GSR: variants seen among roughly 807,000 people sequenced by gnomAD.
The protein encoded by GSR is glutathione-disulfide reductase, also known as glutathione reductase, mitochondrial.
In GSR, 48 loss-of-function variants were observed where a neutral mutation model predicts 56.5. That is an observed-to-expected ratio of 0.85 (90% CI 0.67 to 1.08). The LOEUF is 1.08. Among genes scored for constraint, GSR ranks in the 50% least tolerant of loss-of-function variants. The pLI, the probability that GSR is intolerant of heterozygous loss-of-function variation, is 0.00. For synonymous variants in GSR, 264 were observed against 270.8 expected (o/e 0.97, Z 0.25); for missense variants, 694 against 703.3 (o/e 0.99, Z 0.15).
Position 30,702,843 on chromosome 8 carries a change from C to T in GSR, c.640+250G>A, listed in dbSNP as rs540636668. On this transcript the variant is annotated intron_variant, in intron 5 of 12. Transcript: ENST00000221130. ...GTCCCAGCTACTTGGGAGGCTGAGG[C>T]AGGAGAATCACTTGAACCCAGGAGG... Among the ~76,000 whole-genome samples, 3 of 152,248 alleles carry T rather than the reference C, an allele frequency of 2.0e-5. No homozygotes were observed. The South Asian group carries it at 6.2e-4, about 32-fold the overall frequency.
Position 30,700,159 on chromosome 8 carries a change from A to T in GSR, c.641-24T>A, listed in dbSNP as rs375794180. 19 of 1,543,114 alleles carry T rather than the reference A, an allele frequency of 1.2e-5. No homozygotes were observed. In the East Asian group the frequency reaches 3.8e-4, roughly 31 times the overall value. ...ACCTATGTAGAAAAAGGCAACATAG[A>T]TCACACAAGACTGCTCTTTCTCTTG... is the stretch of plus-strand genomic sequence containing the variant. On this transcript the variant is annotated intron_variant, in intron 5 of 12. Coordinates refer to ENST00000221130, the MANE Select transcript of GSR (RefSeq NM_000637.5).
At chr8:30,701,177 T>C (rs916316626) in intron 5 of GSR, among the ~76,000 whole-genome samples, 3 of 152,126 alleles carry the variant, frequency 2.0e-5, no homozygotes, top group African/African-American at 7.2e-5. Flanking sequence ...AGTTATTAAA[T>C]ATATTAGGCC....
Position 30,679,104 on chromosome 8 carries a change from G to A in GSR, c.*416C>T, listed in dbSNP as rs1013358894. 1.8e-5 allele frequency: 3 copies of A among 171,374 alleles called. No individual in the cohort carries two copies. Among genetic ancestry groups the A allele is most frequent in the African/African-American group, 2.5e-5 (1 of 39,288 alleles). 10.6% of individuals were successfully genotyped at this position (171,374 alleles called of 1,614,324 possible). On this transcript the variant is annotated 3_prime_UTR_variant, in exon 13 of 13. Transcript: ENST00000221130. ...GCAGAGGTTGTGGTGAGCTGAAATA[G>A]CACCACCGCACTCCAGCCTGGGCAA...
chr8:30,699,987 C>T (rs1803672815), intron 6 of GSR, 94 bp downstream of exon 6: 2 of 868,576 alleles, frequency 2.3e-6, no homozygotes. Flanking sequence ...TCAGGAAAGG[C>T]CTACATTAAA....
At chr8:30,699,681 T>G (rs1427922499) in intron 6 of GSR, among the ~76,000 whole-genome samples, 1 of 151,640 alleles carries the variant, frequency 6.6e-6, no homozygotes, top group African/African-American at 2.4e-5. Flanking sequence ...TGACCTCAGG[T>G]GATCTGCCCG....
At chr8:30,719,545 C>T (rs1030665786) in intron 1 of GSR, among the ~76,000 whole-genome samples, 2 of 152,168 alleles carry the variant, frequency 1.3e-5, no homozygotes, top group African/African-American at 4.8e-5. Context: ...GCCACCACAC[C>T]CAGCTAAGAA....
intron 11 of GSR, among the ~76,000 whole-genome samples, chr8:30,681,586 T>C (rs1052232790): frequency 2.0e-5 from 3 of 151,760 alleles, no homozygotes; most frequent in East Asian, 1.9e-4. Flanking sequence ...TTAGGAAAGA[T>C]AGACATGTGT....
intron 5 of GSR, among the ~76,000 whole-genome samples, chr8:30,701,512 G>A (rs534240003): frequency 4.0e-4 from 58 of 144,360 alleles, no homozygotes; most frequent in African/African-American, 1.1e-3. Flanking sequence ...CATTTTGGCC[G>A]GGTGCAGTGG....
chr8:30,708,212 C>T, intron 3 of GSR, 71 bp from the exon 4 acceptor site: 1 of 1,039,884 alleles, frequency 9.6e-7, no homozygotes, highest in Non-Finnish European at 1.5e-6. Flanking sequence ...AGGCATCTGT[C>T]CCTGAACACC....
chr8:30,694,136 A>G (rs543102511), intron 7 of GSR, among the ~76,000 whole-genome samples: 1 of 152,190 alleles, frequency 6.6e-6, no homozygotes, highest in Non-Finnish European at 1.5e-5. Context: ...GGAGCTAATT[A>G]TATAACCAGT....
At chr8:30,695,224 G>GT (rs1411294192) in intron 7 of GSR, among the ~76,000 whole-genome samples, 1 of 152,000 alleles carries the variant, frequency 6.6e-6, no homozygotes, top group African/African-American at 2.4e-5. Context: ...TTTTTTTGCA[G>GT]TTTTTTTGTT....
chr8:30,713,366 G>GT (rs375342804), intron 1 of GSR, among the ~76,000 whole-genome samples: 2,089 of 146,946 alleles, frequency 0.014, 37 homozygotes, highest in Non-Finnish European at 0.021. Context: ...TTGTTTGGTT[G>GT]TTTTTTTTTT....
Position 30,708,149 on chromosome 8 carries a change from G to A in GSR, c.423-8C>T. On this transcript the variant is annotated splice_polypyrimidine_tract_variant and splice_region_variant and intron_variant, in intron 3 of 12. Transcript: ENST00000221130. ...CGCTTTTCCTTAATAACACTGCAAT[G>A]AAACCCAAGTCAGTATTCAGAAACA... 6.2e-7 allele frequency: 1 copy of A among 1,602,040 alleles called. No individual in the cohort carries two copies. Among genetic ancestry groups the A allele is most frequent in the Non-Finnish European group, 8.6e-7 (1 of 1,169,138 alleles).
intron 1 of GSR, among the ~76,000 whole-genome samples, chr8:30,713,647 C>A (rs939519537): frequency 6.6e-6 from 1 of 151,970 alleles, no homozygotes; most frequent in Non-Finnish European, 1.5e-5. Flanking sequence ...GCATGAGCCA[C>A]CACGCCCAGA....
rs201894926 is a variant in GSR, at chr8:30,707,581, G to A, written c.492+491C>T. Reference sequence around the variant, plus strand: ...AGACTGAGGTGGGAGGACTGCTTGAGCCCAGGACTTGGAGGCTACAGTGAG... The same window carrying A: ...AGACTGAGGTGGGAGGACTGCTTGAACCCAGGACTTGGAGGCTACAGTGAG... On this transcript the variant is annotated intron_variant, in intron 4 of 12. Coordinates refer to ENST00000221130, the MANE Select transcript of GSR (RefSeq NM_000637.5). Among the ~76,000 whole-genome samples, 12 of 152,212 alleles carry A rather than the reference G, an allele frequency of 7.9e-5. No homozygotes were observed. The East Asian group carries it at 2.1e-3, about 27-fold the overall frequency.
At chr8:30,680,872 G>A (rs1278452399) in intron 12 of GSR, 32 bp downstream of exon 12, 8 of 1,604,164 alleles carry the variant, frequency 5.0e-6, no homozygotes, top group Middle Eastern at 3.3e-4. Context: ...CATTTTGCAA[G>A]GCACTATTTA....
intron 7 of GSR, among the ~76,000 whole-genome samples, chr8:30,694,928 G>A (rs886392454): frequency 2.1e-4 from 32 of 151,324 alleles, no homozygotes; most frequent in African/African-American, 7.3e-4. Flanking sequence ...ATTAGTCAGG[G>A]CATGGTGGCC....
intron 1 of GSR, among the ~76,000 whole-genome samples, chr8:30,712,373 GA>G (rs1436390975): frequency 2.0e-5 from 3 of 152,180 alleles, no homozygotes; most frequent in African/African-American, 7.2e-5. Context: ...AAGTACTGCA[GA>G]ATACATGGAT....
intron 2 of GSR, among the ~76,000 whole-genome samples, chr8:30,710,335 TAATA>T (rs1169377476): frequency 2.6e-5 from 4 of 151,436 alleles, no homozygotes; most frequent in Non-Finnish European, 5.9e-5. Context: ...ATAATAATAA[TAATA>T]AATAAAATCT....
Sources: gnomAD v4.1 joint callset for allele counts (sites outside exome capture counted in the v4.1 genomes callset) on GRCh38, gnomAD v4.1.1 for gene constraint, MANE v1.5 for transcripts, NCBI Gene and HGNC (gene_info 2026-07-23, HGNC 2026-07-21) for gene names.